The following WDFY1 variants were observed in gnomAD, a reference collection of about 807,000 sequenced individuals.
WDFY1 encodes WD repeat and FYVE domain-containing protein 1.
In WDFY1, 32 loss-of-function variants were observed where a neutral mutation model predicts 56.4. That is an observed-to-expected ratio of 0.57 (90% CI 0.43 to 0.76). WDFY1 has a LOEUF of 0.76. Ranked by LOEUF, WDFY1 falls within the 30% of genes least tolerant of loss-of-function variation. The probability of loss-of-function intolerance (pLI) is 0.00; values close to 1 mark genes in which losing one functional copy is unlikely to be tolerated. For missense variants in WDFY1, 480 were observed against 545.7 expected, an observed-to-expected ratio of 0.88 and a Z score of 1.20; for synonymous variants, 192 against 197.3, an observed-to-expected ratio of 0.97 and a Z score of 0.23.
intron 1 of WDFY1, among the ~76,000 whole-genome samples, chr2:223,927,064 T>C (rs1416450283): frequency 6.6e-6 from 1 of 152,192 alleles, no homozygotes; most frequent in Non-Finnish European, 1.5e-5. Context: ...TCAACACACA[T>C]GTTGTCATCC....
In WDFY1 at chr2:223,894,273, G is replaced by A. The variant is rs374953968; in HGVS notation, c.792C>T (p.Gly264=). 42 of 1,614,022 alleles carry A rather than the reference G, an allele frequency of 2.6e-5. 1 individual carries two copies. The highest frequency in any genetic ancestry group is 1.7e-4 in the Admixed American group (10 of 59,994). The change falls in exon 8 of 12, where the codon GGC becomes GGT. Residue 264 remains glycine, a synonymous_variant. Coordinates refer to ENST00000233055, the MANE Select transcript of WDFY1 (RefSeq NM_020830.5). The part of the protein sequence containing the change: ...TRQLVSCSSD[G]GIAVWNMDVS... ...CATCCATGTTCCACACTGCAATTCC[G>A]CCGTCCGAGGAACAGGAGACGAGCT...
At chr2:223,923,808 G>A (rs1291008240) in intron 1 of WDFY1, among the ~76,000 whole-genome samples, 1 of 152,144 alleles carries the variant, frequency 6.6e-6, no homozygotes, top group Non-Finnish European at 1.5e-5. Flanking sequence ...GAAGTGTCAA[G>A]ATCAGATGGT....
At chr2:223,937,843 T>A (rs144249023) in intron 1 of WDFY1, among the ~76,000 whole-genome samples, 1 of 152,222 alleles carries the variant, frequency 6.6e-6, no homozygotes, top group African/African-American at 2.4e-5. Context: ...GCAGTTAACA[T>A]CCTGGTTTTC....
chr2:223,915,510 G>C (rs1479776801), intron 2 of WDFY1, among the ~76,000 whole-genome samples: 4 of 152,154 alleles, frequency 2.6e-5, no homozygotes, highest in Non-Finnish European at 5.9e-5. Flanking sequence ...CCAAATATGG[G>C]ACAAAATCCC....
chr2:223,878,870 A>C, intron 11 of WDFY1, 140 bp from the exon 12 acceptor site: 1 of 1,126,822 alleles, frequency 8.9e-7, no homozygotes, highest in Non-Finnish European at 1.3e-6. Flanking sequence ...CTTTCATAAC[A>C]CCTCCTTAAG....
chr2:223,904,337 C>T (rs780395059), intron 4 of WDFY1, among the ~76,000 whole-genome samples: 6 of 152,148 alleles, frequency 3.9e-5, no homozygotes, highest in Admixed American at 1.3e-4. Context: ...CTGCAACCTC[C>T]GCCTCCCGGG....
chr2:223,882,729 ATT>A (rs11331883), intron 9 of WDFY1, among the ~76,000 whole-genome samples: 136 of 150,708 alleles, frequency 9.0e-4, no homozygotes, highest in African/African-American at 3.0e-3. Flanking sequence ...CATTATTATT[ATT>A]TTTTTTTTCA....
At chr2:223,898,776 A>G (rs921623015) in intron 6 of WDFY1, among the ~76,000 whole-genome samples, 182 bp downstream of exon 6, 7 of 152,212 alleles carry the variant, frequency 4.6e-5, no homozygotes, top group African/African-American at 1.7e-4. Context: ...GATTTCGACA[A>G]TATGAAATGA....
intron 5 of WDFY1, 76 bp from the exon 6 acceptor site, chr2:223,899,146 CAA>C (rs1693457646): frequency 1.2e-5 from 14 of 1,203,878 alleles, no homozygotes; most frequent in Non-Finnish European, 1.5e-5. Flanking sequence ...CAGCATTAGT[CAA>C]AGTTAGTTTT....
chr2:223,944,731 T>C (rs1039795174), intron 1 of WDFY1, among the ~76,000 whole-genome samples: 1 of 72,694 alleles, frequency 1.4e-5, no homozygotes, highest in Non-Finnish European at 2.8e-5. Flanking sequence ...GAGGGGCGCG[T>C]TGGGGAGCAT....
chr2:223,909,651 A>G (rs1693659511), intron 3 of WDFY1, among the ~76,000 whole-genome samples: 1 of 151,686 alleles, frequency 6.6e-6, no homozygotes, highest in Non-Finnish European at 1.5e-5. Flanking sequence ...GAACAATACT[A>G]CTTCCTACCC....
chr2:223,883,721 C>T (rs1261568399), intron 9 of WDFY1, among the ~76,000 whole-genome samples: 4 of 152,196 alleles, frequency 2.6e-5, no homozygotes, highest in Non-Finnish European at 5.9e-5. Flanking sequence ...TCTTGGCTCA[C>T]CGCAACCTCC....
intron 1 of WDFY1, among the ~76,000 whole-genome samples, chr2:223,919,657 G>A (rs1693857097): frequency 1.3e-5 from 2 of 152,196 alleles, no homozygotes; most frequent in South Asian, 4.1e-4. Flanking sequence ...TTAGAGGCAT[G>A]AGCCACCACA....
At chr2:223,910,883 C>A (rs1410771868) in intron 3 of WDFY1, among the ~76,000 whole-genome samples, 1 of 152,082 alleles carries the variant, frequency 6.6e-6, no homozygotes, top group African/African-American at 2.4e-5. Flanking sequence ...ATATAGTCAC[C>A]ATATGACCCA....
chr2:223,887,078 AAAG>A (rs1329768478), intron 8 of WDFY1, among the ~76,000 whole-genome samples: 7 of 152,234 alleles, frequency 4.6e-5, no homozygotes, highest in African/African-American at 1.7e-4. Context: ...AGAAGGGATG[AAAG>A]AAGAATAAAG....
rs369313108 is a variant in WDFY1, at chr2:223,884,632, G to A, written c.933+16C>T. The A allele has an allele frequency of 5.5e-5, 88 of 1,610,582 alleles. 2 individuals are homozygous for A. Among genetic ancestry groups the A allele is most frequent in the African/African-American group, 4.0e-5 (3 of 74,832 alleles). ...TACACAATCAAGCCAGAGATGACTC[G>A]ACAGTGGCTACTCACTTGTCTTAGC... On this transcript the variant is annotated intron_variant, in intron 9 of 11. Coordinates refer to ENST00000233055, the MANE Select transcript of WDFY1 (RefSeq NM_020830.5).
intron 9 of WDFY1, among the ~76,000 whole-genome samples, chr2:223,884,444 A>G (rs1693135778): frequency 6.6e-6 from 1 of 152,214 alleles, no homozygotes; most frequent in Non-Finnish European, 1.5e-5. Context: ...AATACAGGAC[A>G]AGCAATGGAA....
At chr2:223,937,962 C>T (rs1689226694) in intron 1 of WDFY1, among the ~76,000 whole-genome samples, 1 of 152,066 alleles carries the variant, frequency 6.6e-6, no homozygotes, top group African/African-American at 2.4e-5. Context: ...GGTAAATACA[C>T]AAATTTTTCC....
chr2:223,888,989 C>T (rs1250202460), intron 8 of WDFY1, among the ~76,000 whole-genome samples: 5 of 148,932 alleles, frequency 3.4e-5, no homozygotes, highest in African/African-American at 7.5e-5. Flanking sequence ...CTGCAACCTC[C>T]GCCTCCTGGG....
Sources: allele counts gnomAD v4.1 joint callset (sites outside exome capture counted in the v4.1 genomes callset), GRCh38; gene constraint gnomAD v4.1.1; transcripts MANE v1.5; gene names NCBI Gene and HGNC (gene_info 2026-07-23, HGNC 2026-07-21).